The following DNAAF1 variants were observed in gnomAD, a reference collection of about 807,000 sequenced individuals.
The protein encoded by DNAAF1 is dynein axonemal assembly factor 1, also known as dynein assembly factor 1, axonemal.
DNAAF1 carries 65 observed loss-of-function variants against 71.1 expected under a neutral mutation model. The observed-to-expected ratio is 0.91, with a 90% CI of 0.75 to 1.12. The LOEUF is 1.12. Ranked by LOEUF, DNAAF1 falls within the 50% of genes most tolerant of loss-of-function variation. The pLI, the probability that DNAAF1 is intolerant of heterozygous loss-of-function variation, is 0.00. For missense variants in DNAAF1, 1,178 were observed against 899.8 expected, an observed-to-expected ratio of 1.31 and a Z score of -3.96; for synonymous variants, 414 against 354.6, an observed-to-expected ratio of 1.17 and a Z score of -1.88.
intron 6 of DNAAF1, among the ~76,000 whole-genome samples, chr16:84,161,066 C>A (rs1165538651): frequency 6.6e-6 from 1 of 152,156 alleles, no homozygotes; most frequent in Non-Finnish European, 1.5e-5. Flanking sequence ...AGGGGTCTGA[C>A]TCCCAAGCCA....
rs191100798 is a variant in DNAAF1 at position 84,148,325 on chromosome 16, T to G, written c.125-682T>G. Among the ~76,000 whole-genome samples the G allele has an allele frequency of 1.1e-4, 16 of 152,286 alleles. No individual in the cohort carries two copies. In the East Asian group the frequency reaches 2.9e-3, roughly 28 times the overall value. ...TATACGTTTCTGAGAATTATCCCTA[T>G]GGATAGATGTAGTTCTAGTGCATTC... On this transcript the variant is annotated intron_variant, in intron 1 of 11. Transcript: ENST00000378553.
chr16:84,145,316 T>G lies in DNAAF1; in HGVS notation c.-125T>G, dbSNP rs978186795. 2 of 1,492,516 alleles carry G rather than the reference T, an allele frequency of 1.3e-6. No homozygotes were observed. Among genetic ancestry groups the G allele is most frequent in the African/African-American group, 1.4e-5 (1 of 71,930 alleles). The allele number at this position is 1,492,516 out of a possible 1,614,324, so 92.5% of individuals were successfully genotyped here. On this transcript the variant is annotated 5_prime_UTR_variant, in exon 1 of 12. Transcript: ENST00000378553. ...CGGGGAAGCGTTGGGCTGTAAAGAC[T>G]AGGGCGCCAGCGGCTGGCGAAGAAG... is the stretch of plus-strand genomic sequence containing the variant.
chr16:84,172,381 T>C lies in DNAAF1; in HGVS notation c.1644+6T>C, dbSNP rs749557708. ...AGGAGACATTCTGCATTGATGTACA[T>C]GAAGTATTTAATCTTGGAGATAAGT... On this transcript the variant is annotated splice_donor_region_variant and intron_variant, in intron 9 of 11. Coordinates refer to ENST00000378553, the MANE Select transcript of DNAAF1 (RefSeq NM_178452.6). 5 of 1,613,720 alleles carry C rather than the reference T, an allele frequency of 3.1e-6. No homozygotes were observed. Among genetic ancestry groups the C allele is most frequent in the Non-Finnish European group, 4.2e-6 (5 of 1,179,820 alleles).
In DNAAF1 at chr16:84,176,257, A is replaced by G. The variant is rs756039350; in HGVS notation, c.2023A>G (p.Ser675Gly). ...AAGAGATGCTGCACCACTCACTTCC[A>G]GTGGAGACAGGGACAGCGACTTCCT... ...CQRDAAPLTS[S>G]GDRDSDFLAA... The change falls in exon 11 of 12, where the codon AGT (serine) becomes GGT (glycine). Residue 675 changes from serine to glycine, a missense_variant. Coordinates refer to ENST00000378553, the MANE Select transcript of DNAAF1 (RefSeq NM_178452.6). 7.4e-6 allele frequency: 12 copies of G among 1,613,520 alleles called. No individual in the cohort carries two copies. Among genetic ancestry groups the G allele is most frequent in the African/African-American group, 5.3e-5 (4 of 74,946 alleles).
At chr16:84,158,187 A>C (rs2087533456) in intron 5 of DNAAF1, among the ~76,000 whole-genome samples, 1 of 152,154 alleles carries the variant, frequency 6.6e-6, no homozygotes, top group South Asian at 2.1e-4. Context: ...CCTGGGAGAC[A>C]GGCAGAGTCT....
At chr16:84,146,054 G>A (rs924413715) in intron 1 of DNAAF1, among the ~76,000 whole-genome samples, 12 of 152,020 alleles carry the variant, frequency 7.9e-5, no homozygotes, top group Non-Finnish European at 1.3e-4. Context: ...CCAAGATCTC[G>A]CCATTGCATT....
intron 1 of DNAAF1, among the ~76,000 whole-genome samples, chr16:84,148,495 G>C (rs1020986372): frequency 9.3e-5 from 14 of 150,856 alleles, no homozygotes; most frequent in Admixed American, 4.6e-4. Flanking sequence ...ACCTGTACAA[G>C]AGTTTTTATA....
chr16:84,155,591 C>T lies in DNAAF1; in HGVS notation c.583C>T (p.Pro195Ser). ...CTGACCTTACCTTCCAGCCTGCCTC[C>T]CAGTCCTGAACACATTGCAGATGGC... is the stretch of plus-strand genomic sequence containing the variant. ...IKTIENLSCL[P>S]VLNTLQMAHN... is the part of the protein sequence containing the mutation. Residue 195 changes from proline (P) to serine (S), a missense_variant, in exon 5 of 12, where the codon CCA (proline) becomes TCA (serine). Coordinates refer to ENST00000378553, the MANE Select transcript of DNAAF1 (RefSeq NM_178452.6). 2 of 1,614,114 alleles carry T rather than the reference C, an allele frequency of 1.2e-6. No homozygotes were observed. Among genetic ancestry groups the T allele is most frequent in the Non-Finnish European group, 1.7e-6 (2 of 1,180,012 alleles).
At chr16:84,172,532 C>G in intron 9 of DNAAF1, 157 bp downstream of exon 9, 1 of 1,465,766 alleles carries the variant, frequency 6.8e-7, no homozygotes. Flanking sequence ...TGCAGACTCC[C>G]AGGCCTCACC....
intron 5 of DNAAF1, among the ~76,000 whole-genome samples, chr16:84,158,346 C>G (rs953483749): frequency 1.3e-5 from 2 of 152,174 alleles, no homozygotes; most frequent in African/African-American, 2.4e-5. Flanking sequence ...TCCCTGGGTC[C>G]TCACATGGTC....
intron 8 of DNAAF1, among the ~76,000 whole-genome samples, chr16:84,170,837 A>C (rs1216055657): frequency 6.6e-6 from 1 of 152,180 alleles, no homozygotes; most frequent in Non-Finnish European, 1.5e-5. Context: ...CCCTCAAAAA[A>C]TAAATTGATT....
intron 4 of DNAAF1, among the ~76,000 whole-genome samples, chr16:84,155,123 T>A (rs559272975): frequency 6.6e-6 from 1 of 152,208 alleles, no homozygotes; most frequent in South Asian, 2.1e-4. Flanking sequence ...TTAGCCAGGA[T>A]GGTCTCGATC....
chr16:84,162,035 T>G (rs1399263797), intron 6 of DNAAF1, among the ~76,000 whole-genome samples: 1 of 152,034 alleles, frequency 6.6e-6, no homozygotes, highest in East Asian at 1.9e-4. Flanking sequence ...GATCAAAGGG[T>G]CTGAGGATTT....
Position 84,154,737 on chromosome 16 carries a change from T to C in DNAAF1, c.513T>C (p.Pro171=). The C allele has an allele frequency of 1.2e-6, 2 of 1,614,142 alleles. No individual in the cohort carries two copies. The highest frequency in any genetic ancestry group is 2.2e-5 in the South Asian group (2 of 91,082). ...NLLRKIENLE[P]LQKLDALNLS... ...TCCGTAAAATTGAGAACCTGGAACC[T>C]CTGCAGAAACTGGATGCTCTTAACC... Residue 171 remains proline (P), a synonymous_variant, in exon 4 of 12, where the codon CCT becomes CCC. Coordinates refer to ENST00000378553, the MANE Select transcript of DNAAF1 (RefSeq NM_178452.6).
chr16:84,177,825 C>T lies in DNAAF1; in HGVS notation c.2162C>T (p.Ala721Val). Residue 721 changes from alanine (A) to valine (V), a missense_variant, in exon 12 of 12, where the codon GCA becomes GTA. Coordinates refer to ENST00000378553, the MANE Select transcript of DNAAF1 (RefSeq NM_178452.6). ...LPTWDLTAFP[A>V]PKAS is the part of the protein sequence containing the mutation. ...ACGTGGGACCTCACTGCATTCCCAG[C>T]ACCGAAAGCATCATAGTTTTCCCCA... 1.2e-6 allele frequency: 2 copies of T among 1,613,710 alleles called. No homozygotes were observed. Among genetic ancestry groups the T allele is most frequent in the East Asian group, 2.2e-5 (1 of 44,880 alleles).
intron 6 of DNAAF1, among the ~76,000 whole-genome samples, chr16:84,161,765 G>A (rs761996616): frequency 8.6e-5 from 13 of 151,670 alleles, no homozygotes; most frequent in African/African-American, 1.9e-4. Context: ...CTCATCTGTC[G>A]TTTTATTAGA....
At chr16:84,168,399 G>A (rs7196454) in intron 7 of DNAAF1, among the ~76,000 whole-genome samples, 52,054 of 152,070 alleles carry the variant, frequency 0.34, 9,343 homozygotes, top group Non-Finnish European at 0.4. Context: ...GTAAGGTAAC[G>A]TATTCATATT....
chr16:84,147,829 G>A (rs2151202746), intron 1 of DNAAF1, among the ~76,000 whole-genome samples: 1 of 152,198 alleles, frequency 6.6e-6, no homozygotes, highest in African/African-American at 2.4e-5. Context: ...ACTTTGGAAG[G>A]CCAAGGCGGG....
In DNAAF1 at chr16:84,170,124, G is replaced by C. The variant is rs9972733; in HGVS notation, c.1296G>C (p.Glu432Asp). Residue 432 changes from glutamate to aspartate, a missense_variant, in exon 8 of 12, where the codon GAG becomes GAC. Transcript: ENST00000378553. Reference sequence around the variant, plus strand: ...CGTCACCTGTGGAGGTTAAAGGAGAGGACGGAGATGGAGAGCCAGAGGGGA... The same window carrying C: ...CGTCACCTGTGGAGGTTAAAGGAGACGACGGAGATGGAGAGCCAGAGGGGA... ...LLSSPVEVKG[E>D]DGDGEPEGTL... The C allele has an allele frequency of 0.088, 140,632 of 1,605,926 alleles. 7,175 individuals carry two copies. Among genetic ancestry groups the C allele is most frequent in the South Asian group, 0.2 (18,384 of 90,892 alleles).
Sources: allele counts gnomAD v4.1 joint callset (sites outside exome capture counted in the v4.1 genomes callset), GRCh38; gene constraint gnomAD v4.1.1; transcripts MANE v1.5; gene names NCBI Gene and HGNC (gene_info 2026-07-23, HGNC 2026-07-21).